Variants in VPS9D1 observed in about 807,000 individuals in gnomAD.
VPS9D1 encodes VPS9 domain-containing protein 1.
A neutral mutation model predicts 75.8 loss-of-function variants in VPS9D1; 78 were observed. That is an observed-to-expected ratio of 1.03 (90% CI 0.86 to 1.24). VPS9D1 has a LOEUF of 1.24. Among genes scored for constraint, VPS9D1 ranks in the 50% most tolerant of loss-of-function variants. The probability of loss-of-function intolerance (pLI) is 0.00; values close to 1 mark genes in which losing one functional copy is unlikely to be tolerated. For missense variants in VPS9D1, 1,057 were observed against 847.7 expected, an observed-to-expected ratio of 1.25 and a Z score of -3.07; for synonymous variants, 481 against 385.6, an observed-to-expected ratio of 1.25 and a Z score of -2.90.
chr16:89,709,486 G>A lies in VPS9D1; in HGVS notation c.1389-51C>T, dbSNP rs554639455. ...GCTGCCCCAGGGACCTTGCCCTGGG[G>A]ACAGAAGCAGGGCTGTGGCTGGAGC... On this transcript the variant is annotated intron_variant, in intron 11 of 14. Coordinates refer to ENST00000389386, the MANE Select transcript of VPS9D1 (RefSeq NM_004913.3). 10 of 1,473,506 alleles carry A rather than the reference G, an allele frequency of 6.8e-6. No individual in the cohort carries two copies. In the East Asian group the frequency reaches 9.4e-5, roughly 14 times the overall value. 91.3% of individuals were successfully genotyped at this position (1,473,506 alleles called of 1,614,324 possible).
chr16:89,712,912 A>G (rs1313041122), intron 4 of VPS9D1, 196 bp from the exon 5 acceptor site: 2 of 505,126 alleles, frequency 4.0e-6, no homozygotes, highest in African/African-American at 4.0e-5. Flanking sequence ...GGCCAGGTGC[A>G]GTGGCTCCCG....
chr16:89,712,263 G>A (rs2060949438), intron 6 of VPS9D1, 164 bp from the exon 7 acceptor site: 4 of 1,330,950 alleles, frequency 3.0e-6, no homozygotes. Flanking sequence ...GCTCAAGCCA[G>A]GAGGGCCGGG....
rs2151616094 is a variant in VPS9D1, at chr16:89,707,426, C to T, written c.*435G>A. ...AACTAGTTCATGGGGCTACAACTCC[C>T]CTTCTAGGGGTCAGAGGGGAGAGAA... On this transcript the variant is annotated 3_prime_UTR_variant, in exon 15 of 15. Transcript: ENST00000389386. The T allele has an allele frequency of 6.3e-6, 1 of 159,474 alleles. No homozygotes were observed. The highest frequency in any genetic ancestry group is 2.4e-5 in the African/African-American group (1 of 41,674). The allele number at this position is 159,474 out of a possible 1,614,324, so 9.9% of individuals were successfully genotyped here.
rs942362843 is a variant in VPS9D1 at position 89,720,783 on chromosome 16, C to T, written c.79G>A (p.Asp27Asn). The change falls in exon 1 of 15, where the codon GAC becomes AAC. Residue 27 changes from aspartate (D) to asparagine (N), a missense_variant. Transcript: ENST00000389386. The part of the protein sequence containing the change: ...MKLANGAIEL[D>N]TGNRPREAYT... The stretch of plus-strand genomic sequence containing the variant: ...CTCACCCGGGGCCGGTTGCCGGTGT[C>T]CAGCTCGATGGCCCCGTTGGCAAGC... 10 of 1,458,748 alleles carry T rather than the reference C, an allele frequency of 6.9e-6. No individual in the cohort carries two copies. The highest frequency in any genetic ancestry group is 9.1e-6 in the Non-Finnish European group (10 of 1,102,290). The allele number at this position is 1,458,748 out of a possible 1,614,324, so 90.4% of individuals were successfully genotyped here.
intron 10 of VPS9D1, 69 bp from the exon 11 acceptor site, chr16:89,709,975 C>A: frequency 6.6e-7 from 1 of 1,523,252 alleles, no homozygotes; most frequent in Non-Finnish European, 8.8e-7. Context: ...CTCTAAGCCA[C>A]GGGGCCTTTC....
At chr16:89,713,489 C>T (rs570657837) in intron 4 of VPS9D1, among the ~76,000 whole-genome samples, 73 of 151,764 alleles carry the variant, frequency 4.8e-4, no homozygotes, top group Middle Eastern at 3.4e-3. Context: ...CTCCTGACCT[C>T]GTGATCCACC....
Position 89,712,724 on chromosome 16 carries a change from T to C in VPS9D1, c.432-8A>G, listed in dbSNP as rs1270724266. 6.4e-6 allele frequency: 10 copies of C among 1,574,420 alleles called. No individual in the cohort carries two copies. Among genetic ancestry groups the C allele is most frequent in the Non-Finnish European group, 8.6e-6 (10 of 1,161,940 alleles). On this transcript the variant is annotated splice_region_variant and splice_polypyrimidine_tract_variant and intron_variant, in intron 4 of 14. Coordinates refer to ENST00000389386, the MANE Select transcript of VPS9D1 (RefSeq NM_004913.3). ...TCCAGTGGCGTCAGCTCTCTGGAAA[T>C]GTGACAAGCTGCTGTCTAGACCCCA...
At chr16:89,720,696 C>G (rs2061238473) in intron 1 of VPS9D1, 67 bp downstream of exon 1, 3 of 1,321,470 alleles carry the variant, frequency 2.3e-6, no homozygotes, top group Middle Eastern at 2.8e-4. Context: ...CGTCCTCGCC[C>G]TCCCCGGGCG....
intron 2 of VPS9D1, chr16:89,717,339 T>C: frequency 2.8e-6 from 1 of 351,908 alleles, no homozygotes; most frequent in Non-Finnish European, 5.6e-6. Flanking sequence ...CACTTGCAAC[T>C]GCAGGCCTCT....
chr16:89,709,335 G>C lies in VPS9D1; in HGVS notation c.1489C>G (p.Gln497Glu). The change falls in exon 12 of 15, where the codon CAG (glutamine) becomes GAG (glutamate). Residue 497 changes from glutamine to glutamate, a missense_variant. Physicochemically the swap from Gln to Glu is conservative, Grantham distance 29. Transcript: ENST00000389386. The stretch of plus-strand genomic sequence containing the variant: ...GTGGCCCCCTTGGCCTCAGGGTTCT[G>C]GGGGAGGAGCTTGGTGGGGATGCCA... Reference protein sequence around the residue: ...AIGIPTKLLPQNPEAKGATGY... With the variant: ...AIGIPTKLLPENPEAKGATGY... 6 of 1,597,386 alleles carry C rather than the reference G, an allele frequency of 3.8e-6. No individual in the cohort carries two copies. The highest frequency in any genetic ancestry group is 5.1e-6 in the Non-Finnish European group (6 of 1,174,200).
intron 1 of VPS9D1, chr16:89,720,482 C>A (rs974092365): frequency 1.8e-6 from 2 of 1,110,056 alleles, no homozygotes; most frequent in African/African-American, 1.6e-5. Context: ...CCTGGCGGAC[C>A]CTCCTGCTAC....
At chr16:89,711,737 G>T in intron 8 of VPS9D1, 145 bp downstream of exon 8, 2 of 1,021,170 alleles carry the variant, frequency 2.0e-6, no homozygotes, top group Non-Finnish European at 2.8e-6. Flanking sequence ...CCCTCACCGG[G>T]CCCTCCCACG....
In VPS9D1 at chr16:89,707,840, G is replaced by C. The variant is rs2060826383; in HGVS notation, c.*21C>G. ...TGGGAGGCGAGGCCAGGCCCTGCAG[G>C]GACCCTGGGCTCTAGCTGTACTACT... On this transcript the variant is annotated 3_prime_UTR_variant, in exon 15 of 15. Transcript: ENST00000389386. The C allele has an allele frequency of 6.2e-7, 1 of 1,611,648 alleles. No individual in the cohort carries two copies. The highest frequency in any genetic ancestry group is 2.2e-5 in the East Asian group (1 of 44,852).
chr16:89,712,290 A>G, intron 6 of VPS9D1, 170 bp downstream of exon 6: 1 of 1,318,476 alleles, frequency 7.6e-7, no homozygotes, highest in Non-Finnish European at 1.0e-6. Flanking sequence ...AACATGGGGG[A>G]CGGCGGCCGG....
chr16:89,717,770 C>T (rs532060044), intron 2 of VPS9D1: 6 of 456,594 alleles, frequency 1.3e-5, no homozygotes, highest in Non-Finnish European at 2.2e-5. Flanking sequence ...AATCTTGGAG[C>T]GCCAGAGCTC....
intron 11 of VPS9D1, 31 bp from the exon 12 acceptor site, chr16:89,709,466 C>T: frequency 6.7e-7 from 1 of 1,494,150 alleles, no homozygotes; most frequent in Non-Finnish European, 8.8e-7. Context: ...GCTAAGCTGC[C>T]CCAGGGACCT....
In VPS9D1 at chr16:89,711,014, C is replaced by T; in HGVS notation, c.834-4G>A. 1 of 1,436,884 alleles carries T rather than the reference C, an allele frequency of 7.0e-7. No homozygotes were observed. Among genetic ancestry groups the T allele is most frequent in the Non-Finnish European group, 9.1e-7 (1 of 1,100,442 alleles). 89.0% of individuals were successfully genotyped at this position (1,436,884 alleles called of 1,614,324 possible). A position where few individuals can be genotyped will look rare whatever the true frequency, so the allele number is the denominator to read the frequency against. On this transcript the variant is annotated splice_region_variant and splice_polypyrimidine_tract_variant and intron_variant, in intron 9 of 14. Coordinates refer to ENST00000389386, the MANE Select transcript of VPS9D1 (RefSeq NM_004913.3). ...CGCGATCGGGTGGTCGGGGAGGCTG[C>T]GGGAGAAGAGGACGTGAGAACGCGG...
intron 1 of VPS9D1, 185 bp downstream of exon 1, chr16:89,720,578 C>G: frequency 8.2e-7 from 1 of 1,218,800 alleles, no homozygotes. Flanking sequence ...TCTGAGCTGT[C>G]CAAGGTCACT....
chr16:89,711,695 T>A, intron 8 of VPS9D1, 187 bp downstream of exon 8: 3 of 770,170 alleles, frequency 3.9e-6, no homozygotes, highest in Non-Finnish European at 6.0e-6. Flanking sequence ...GCCTCCTCGC[T>A]CTGCCCCGCC....
Sources: allele counts gnomAD v4.1 joint callset (sites outside exome capture counted in the v4.1 genomes callset), GRCh38; gene constraint gnomAD v4.1.1; transcripts MANE v1.5; gene names NCBI Gene and HGNC (gene_info 2026-07-23, HGNC 2026-07-21).